The following PCDH15 variants were observed in gnomAD, a reference collection of about 807,000 sequenced individuals.
The protein encoded by PCDH15 is protocadherin related 15, also known as protocadherin-15.
A neutral mutation model predicts 178.5 loss-of-function variants in PCDH15; 129 were observed. That is an observed-to-expected ratio of 0.72 (90% CI 0.63 to 0.84). PCDH15 has a LOEUF of 0.84. Among genes scored for constraint, PCDH15 ranks in the 40% least tolerant of loss-of-function variants. The pLI, the probability that PCDH15 is intolerant of heterozygous loss-of-function variation, is 0.00. For missense variants in PCDH15, 2,230 were observed against 2,099.9 expected (o/e 1.06, Z -1.21); for synonymous variants, 800 against 732.0 (o/e 1.09, Z -1.50).
At chr10:54,960,767 T>G (rs1591807258) in intron 2 of PCDH15, among the ~76,000 whole-genome samples, 1 of 152,230 alleles carries the variant, frequency 6.6e-6, no homozygotes, top group East Asian at 1.9e-4. Flanking sequence ...TCCTTTAAAA[T>G]AATTTTAGTT....
chr10:54,364,273 T>A (rs1169000742), intron 5 of PCDH15, among the ~76,000 whole-genome samples: 1 of 150,226 alleles, frequency 6.7e-6, no homozygotes, highest in Non-Finnish European at 1.5e-5. Flanking sequence ...TTAACTGTAA[T>A]TTTTTTTTTC....
chr10:54,964,477 A>G (rs1838732748), intron 2 of PCDH15, among the ~76,000 whole-genome samples: 1 of 152,142 alleles, frequency 6.6e-6, no homozygotes, highest in African/African-American at 2.4e-5. Context: ...AGCCTGGAAA[A>G]ATATGGTTTT....
At chr10:54,940,292 T>G (rs1299062125) in intron 2 of PCDH15, among the ~76,000 whole-genome samples, 1 of 152,144 alleles carries the variant, frequency 6.6e-6, no homozygotes, top group Non-Finnish European at 1.5e-5. Context: ...TTTGGTCCAT[T>G]GATTGTTAAA....
intron 1 of PCDH15, among the ~76,000 whole-genome samples, chr10:54,715,583 G>C (rs1566017522): frequency 6.6e-6 from 1 of 152,038 alleles, no homozygotes; most frequent in Non-Finnish European, 1.5e-5. Context: ...AAACGATATG[G>C]GTGCAGTGGA....
chr10:55,301,446 GT>G (rs112932848), intron 1 of PCDH15, among the ~76,000 whole-genome samples: 153 of 150,740 alleles, frequency 1.0e-3, no homozygotes, highest in South Asian at 4.8e-3. Context: ...TTTTCTAATT[GT>G]TTTTTTTTTC....
In PCDH15 at chr10:53,957,251, G is replaced by A. The variant is rs1240442602; in HGVS notation, c.3122+2481C>T. 3.3e-5 allele frequency among the ~76,000 whole-genome samples: 5 copies of A among 152,092 alleles called. No homozygotes were observed. In the South Asian group the frequency reaches 8.3e-4, roughly 25 times the overall value. ...GATGGGAATTTTAAGTTAAAACTGT[G>A]AGCGTTTTTTTGGATCCACTTAGAA... On this transcript the variant is annotated intron_variant, in intron 23 of 37. Coordinates refer to ENST00000644397, the MANE Select transcript of PCDH15 (RefSeq NM_001384140.1).
intron 1 of PCDH15, among the ~76,000 whole-genome samples, chr10:55,305,201 A>G (rs1843389052): frequency 6.6e-6 from 1 of 152,204 alleles, no homozygotes; most frequent in Non-Finnish European, 1.5e-5. Flanking sequence ...GCTGCTGGTA[A>G]CAGAACAAGG....
intron 3 of PCDH15, among the ~76,000 whole-genome samples, chr10:54,513,876 T>C (rs561570040): frequency 8.5e-5 from 13 of 152,262 alleles, no homozygotes; most frequent in South Asian, 6.2e-4. Context: ...CTCACAGAAA[T>C]TGCATGTAAT....
At chr10:55,402,381 C>T (rs1838091874) in intron 2 of PCDH15, among the ~76,000 whole-genome samples, 1 of 151,952 alleles carries the variant, frequency 6.6e-6, no homozygotes, top group South Asian at 2.1e-4. Context: ...TATTTCAAAT[C>T]CTCTTTTCTA....
chr10:54,207,404 GTGTGTT>G (rs2050927902), intron 10 of PCDH15, among the ~76,000 whole-genome samples: 2 of 145,530 alleles, frequency 1.4e-5, no homozygotes, highest in African/African-American at 5.2e-5. Context: ...GTGTGTGTGT[GTGTGTT>G]TTGGTATTAT....
rs751800504 is a variant in PCDH15, at chr10:53,828,554, A to T, written c.4211+11T>A. 8 of 1,552,648 alleles carry T rather than the reference A, an allele frequency of 5.2e-6. No individual in the cohort carries two copies. In the Admixed American group the frequency reaches 1.3e-4, roughly 26 times the overall value. ...CATGAAAAGGATGTGTAAAATGTTAATTATACTTACACTTTAAACCTGTTT... is the reference window on the plus strand; with the variant it reads ...CATGAAAAGGATGTGTAAAATGTTATTTATACTTACACTTTAAACCTGTTT... On this transcript the variant is annotated intron_variant, in intron 31 of 37. Coordinates refer to ENST00000644397, the MANE Select transcript of PCDH15 (RefSeq NM_001384140.1).
chr10:54,543,302 G>T (rs568904226), intron 2 of PCDH15, among the ~76,000 whole-genome samples: 1 of 152,282 alleles, frequency 6.6e-6, no homozygotes, highest in African/African-American at 2.4e-5. Flanking sequence ...AAGGAAGGGG[G>T]TCTAATTAAG....
intron 2 of PCDH15, among the ~76,000 whole-genome samples, chr10:55,412,245 T>C (rs1341941958): frequency 6.6e-6 from 1 of 152,026 alleles, no homozygotes; most frequent in African/African-American, 2.4e-5. Flanking sequence ...TGAGATGCAG[T>C]TGACTAGTTG....
intron 21 of PCDH15, among the ~76,000 whole-genome samples, chr10:53,978,399 G>A (rs2134561894): frequency 6.6e-6 from 1 of 152,200 alleles, no homozygotes; most frequent in Non-Finnish European, 1.5e-5. Context: ...ACTGTACCTT[G>A]GCCCATTTTA....
chr10:54,144,205 G>T (rs2043678006), intron 14 of PCDH15, among the ~76,000 whole-genome samples: 1 of 152,032 alleles, frequency 6.6e-6, no homozygotes, highest in Non-Finnish European at 1.5e-5. Flanking sequence ...CCCCTCCTCA[G>T]TATTAAGCAG....
rs191946339 is a variant in PCDH15 at position 55,045,202 on chromosome 10, A to G, written c.-80+121374T>C. 8.9e-4 allele frequency among the ~76,000 whole-genome samples: 136 copies of G among 152,220 alleles called. 1 individual carries two copies. Among genetic ancestry groups the G allele is most frequent in the Non-Finnish European group, 8.7e-4 (59 of 67,976 alleles). On this transcript the variant is annotated intron_variant, in intron 2 of 5. Transcript: ENST00000458638. ...ATTTTGACTGTATTTCAAAGTGTTC[A>G]TGTCATACTGATCTTTACATTTCCT...
intron 9 of PCDH15, among the ~76,000 whole-genome samples, chr10:54,218,516 T>G (rs977868768): frequency 1.3e-5 from 2 of 151,194 alleles, no homozygotes; most frequent in African/African-American, 4.9e-5. Context: ...TTGTCTCTCT[T>G]TCTTTCTATC....
chr10:55,334,242 A>ATATATATATATATATATG (rs1291195941), intron 2 of PCDH15, among the ~76,000 whole-genome samples: 22 of 72,144 alleles, frequency 3.0e-4, no homozygotes, highest in South Asian at 1.1e-3. Context: ...ATATATATAT[A>ATATATATATATATATATG]TGTGTGTGTG....
chr10:55,210,618 CTTTTTTTTTTTTTT>C (rs11412877), intron 1 of PCDH15, among the ~76,000 whole-genome samples: 19 of 40,330 alleles, frequency 4.7e-4, no homozygotes, highest in Admixed American at 1.4e-3. Flanking sequence ...TTTTTCTTTT[CTTTTTTTTTTTTTT>C]TTTTTTTTTT....
Sources: allele counts gnomAD v4.1 joint callset (sites outside exome capture counted in the v4.1 genomes callset), GRCh38; gene constraint gnomAD v4.1.1; transcripts MANE v1.5; gene names NCBI Gene and HGNC (gene_info 2026-07-23, HGNC 2026-07-21).